Variants in KRT36 observed in about 807,000 individuals in gnomAD.
The protein encoded by KRT36 is keratin, type I cuticular Ha6.
A neutral mutation model predicts 43.0 loss-of-function variants in KRT36; 41 were observed. The ratio of observed to expected loss-of-function variants is 0.95; its 90% CI spans 0.74 to 1.24. The LOEUF (loss-of-function observed/expected upper bound fraction) is 1.24, where lower values mean the gene tolerates loss of function less well. Ranked by LOEUF, KRT36 falls within the 50% of genes most tolerant of loss-of-function variation. The pLI is 0.00. For missense variants in KRT36, 627 were observed against 595.3 expected (o/e 1.05, Z -0.55); for synonymous variants, 277 against 252.9 (o/e 1.10, Z -0.90).
Position 41,487,884 on chromosome 17 carries a change from T to C in KRT36, c.700-147A>G, listed in dbSNP as rs1490724697. ...TAAATATCTCTGAGCCTTGGTCTCC[T>C]TCTCCGTATATACCTACCTCCTTCT... On this transcript the variant is annotated intron_variant, in intron 3 of 6. Coordinates refer to ENST00000328119, the MANE Select transcript of KRT36 (RefSeq NM_003771.5). 5.1e-6 allele frequency: 4 copies of C among 777,000 alleles called. No homozygotes were observed. In the African/African-American group the frequency reaches 7.0e-5, roughly 14 times the overall value. 48.1% of individuals were successfully genotyped at this position (777,000 alleles called of 1,614,324 possible).
intron 6 of KRT36, 101 bp from the exon 7 acceptor site, chr17:41,486,672 G>T: frequency 1.1e-6 from 1 of 947,438 alleles, no homozygotes. Context: ...GGTGGCCCCG[G>T]ATCATCTCAG....
rs368167986 is a variant in KRT36 at position 41,487,320 on chromosome 17, G to A, written c.987+31C>T. On this transcript the variant is annotated intron_variant, in intron 5 of 6. Transcript: ENST00000328119. The stretch of plus-strand genomic sequence containing the variant: ...GTGCGTCGGGGACCTGCCACAGGCC[G>A]TGGCCAGCGACGCAGGCAGGGGCCA... 7.5e-6 allele frequency: 12 copies of A among 1,602,978 alleles called. No individual in the cohort carries two copies. The African/African-American group carries it at 8.0e-5, about 11-fold the overall frequency.
chr17:41,489,267 C>G (rs1904494057), intron 1 of KRT36, 139 bp downstream of exon 1: 5 of 918,802 alleles, frequency 5.4e-6, no homozygotes, highest in Non-Finnish European at 8.1e-6. Context: ...CCCAGGAAAC[C>G]AAAGCCCTAG....
intron 2 of KRT36, 87 bp downstream of exon 2, chr17:41,488,555 C>T: frequency 6.6e-7 from 1 of 1,524,996 alleles, no homozygotes; most frequent in Admixed American, 1.7e-5. Context: ...TCCCATCCAG[C>T]CTTATTCCCA....
intron 2 of KRT36, 121 bp downstream of exon 2, chr17:41,488,521 A>C: frequency 6.7e-7 from 1 of 1,496,854 alleles, no homozygotes; most frequent in South Asian, 1.2e-5. Context: ...CTTTCCCCTG[A>C]GGTCCAGGGC....
chr17:41,488,492 G>T (rs971691267), intron 2 of KRT36, 93 bp from the exon 3 acceptor site: 76 of 1,543,460 alleles, frequency 4.9e-5, no homozygotes, highest in Non-Finnish European at 6.5e-5. Flanking sequence ...TGGCTGACGG[G>T]ATCAGGAGCA....
In KRT36 at chr17:41,486,476, G is replaced by GAA. The variant is rs1567708765; in HGVS notation, c.1303_1304insTT (p.Pro435LeufsTer88). 6.2e-7 allele frequency: 1 copy of GAA among 1,613,842 alleles called. No individual in the cohort carries two copies. Among genetic ancestry groups the GAA allele is most frequent in the East Asian group, 2.2e-5 (1 of 44,862 alleles). ...GATCTGAGTGCCAACCTGGGGAGCC[G>GAA]GGGTGCAGGGCACAGAGGGGACACA... On this transcript the variant is annotated frameshift_variant, in exon 7 of 7. Coordinates refer to ENST00000328119, the MANE Select transcript of KRT36 (RefSeq NM_003771.5). LOFTEE classifies it high-confidence loss of function.
intron 1 of KRT36, among the ~76,000 whole-genome samples, chr17:41,489,069 G>A (rs1904488724): frequency 6.6e-6 from 1 of 152,214 alleles, no homozygotes; most frequent in South Asian, 2.1e-4. Context: ...TCTGTCAGAT[G>A]GGTCCAGTAA....
In KRT36 at chr17:41,487,437, G is replaced by A; in HGVS notation, c.901C>T (p.Gln301Ter). 1.2e-6 allele frequency: 2 copies of A among 1,614,176 alleles called. No homozygotes were observed. The highest frequency in any genetic ancestry group is 1.7e-6 in the Non-Finnish European group (2 of 1,180,024). The change falls in exon 5 of 7, where the codon CAG becomes TAG. Residue 301 changes from glutamine to a stop codon, truncating the protein, a stop_gained. Coordinates refer to ENST00000328119, the MANE Select transcript of KRT36 (RefSeq NM_003771.5). LOFTEE classifies it high-confidence loss of function. Reference protein sequence around the residue: ...LNQQVVSSSEQLQCCQTEIIE... With the variant: ...LNQQVVSSSE ...ATCTCCGTCTGGCAGCACTGCAGCT[G>A]CTCCGAGCTGGACACCACCTGCTGG...
intron 6 of KRT36, 133 bp downstream of exon 6, chr17:41,486,817 G>T (rs1212197189): frequency 4.8e-6 from 4 of 832,966 alleles, no homozygotes; most frequent in Non-Finnish European, 7.4e-6. Context: ...CCAAAGCCTG[G>T]GACTAAATGG....
Position 41,488,738 on chromosome 17 carries a change from G to A in KRT36, c.460-14C>T. 6.2e-7 allele frequency: 1 copy of A among 1,612,698 alleles called. No homozygotes were observed. Among genetic ancestry groups the A allele is most frequent in the African/African-American group, 1.3e-5 (1 of 75,002 alleles). The stretch of plus-strand genomic sequence containing the variant: ...AGTCAGCAGGATCTGGGGAACAAGA[G>A]GCTTCCCATAAGCTACAGGAGGCCC... On this transcript the variant is annotated splice_polypyrimidine_tract_variant and intron_variant, in intron 1 of 6. Coordinates refer to ENST00000328119, the MANE Select transcript of KRT36 (RefSeq NM_003771.5).
intron 1 of KRT36, 33 bp from the exon 2 acceptor site, chr17:41,488,757 G>A (rs746495836): frequency 6.3e-7 from 1 of 1,590,324 alleles, no homozygotes; most frequent in Non-Finnish European, 8.6e-7. Flanking sequence ...TAAGCTACAG[G>A]AGGCCCAGCA....
intron 6 of KRT36, 108 bp downstream of exon 6, chr17:41,486,842 C>T: frequency 9.9e-7 from 1 of 1,010,988 alleles, no homozygotes; most frequent in Admixed American, 2.4e-5. Context: ...TCTCAAGGGG[C>T]TTTGGTTTAG....
chr17:41,487,468 C>T lies in KRT36; in HGVS notation c.870G>A (p.Glu290=). ...AGCTGGACACCACCTGCTGGTTCAG[C>T]TCCTCAGTCTGAAACACATGCCAGG... The part of the protein sequence containing the change: ...VEAWFNTQTE[E]LNQQVVSSSE... Residue 290 remains glutamate (E), a synonymous_variant, in exon 5 of 7, where the codon GAG becomes GAA. Coordinates refer to ENST00000328119, the MANE Select transcript of KRT36 (RefSeq NM_003771.5). 1 of 1,614,142 alleles carries T rather than the reference C, an allele frequency of 6.2e-7. No homozygotes were observed. Among genetic ancestry groups the T allele is most frequent in the Non-Finnish European group, 8.5e-7 (1 of 1,179,982 alleles).
At position 41,486,989 on chromosome 17, in the gene KRT36, A is replaced by T; in HGVS notation, c.1169T>A (p.Ile390Asn). 1 of 1,613,728 alleles carries T rather than the reference A, an allele frequency of 6.2e-7. No individual in the cohort carries two copies. Among genetic ancestry groups the T allele is most frequent in the Non-Finnish European group, 8.5e-7 (1 of 1,179,980 alleles). ...LDVKARLEGE[I>N]ATYRHLLEGE... is the part of the protein sequence containing the mutation. ...CTCCAGCAGGTGGCGGTAGGTAGCG[A>T]TCTCGCCCTCCAGCCGGGCCTTGAC... Residue 390 changes from isoleucine to asparagine, a missense_variant, in exon 6 of 7, where the codon ATC becomes AAC. By Grantham distance (149) the Ile-to-Asn change is moderately radical. Coordinates refer to ENST00000328119, the MANE Select transcript of KRT36 (RefSeq NM_003771.5).
intron 3 of KRT36, 81 bp downstream of exon 3, chr17:41,488,162 C>T (rs1904457018): frequency 1.4e-6 from 2 of 1,381,530 alleles, no homozygotes; most frequent in Non-Finnish European, 2.0e-6. Context: ...ATAGTTCCTG[C>T]CGCACAGAAA....
In KRT36 at chr17:41,489,519, G is replaced by A. The variant is rs779679337; in HGVS notation, c.346C>T (p.Arg116Trp). The change falls in exon 1 of 7, where the codon CGG (arginine) becomes TGG (tryptophan). Residue 116 changes from arginine (R) to tryptophan (W), a missense_variant. Transcript: ENST00000328119. ...CGGCTCTCCAGCTCCGCGTTCTCCC[G>A]CTCCAGCTGACGCACCTTCTCCAGG... Reference protein sequence around the residue: ...NYLEKVRQLERENAELESRIQ... With the variant: ...NYLEKVRQLEWENAELESRIQ... 5.4e-5 allele frequency: 87 copies of A among 1,614,192 alleles called. No homozygotes were observed. The highest frequency in any genetic ancestry group is 2.0e-4 in the East Asian group (9 of 44,886).
In KRT36 at chr17:41,487,699, C is replaced by T; in HGVS notation, c.738G>A (p.Leu246=). ...GGGGAGCAGCGTCCACCTCCACATT[C>T]AGTCGGTCCCCAAGTTGGCAACGGA... is the stretch of plus-strand genomic sequence containing the variant. ...SVLRCQLGDR[L]NVEVDAAPPV... is the part of the protein sequence containing the mutation. The change falls in exon 4 of 7, where the codon CTG becomes CTA. Residue 246 remains leucine (L), a synonymous_variant. Transcript: ENST00000328119. The T allele has an allele frequency of 6.2e-7, 1 of 1,614,000 alleles. No homozygotes were observed.
At chr17:41,488,826 C>A in intron 1 of KRT36, 102 bp from the exon 2 acceptor site, 1 of 963,396 alleles carries the variant, frequency 1.0e-6, no homozygotes, top group African/African-American at 1.6e-5. Context: ...TGTGTACCAC[C>A]AGCCCCTTCA....
Sources: gnomAD v4.1 joint callset for allele counts (sites outside exome capture counted in the v4.1 genomes callset) on GRCh38, gnomAD v4.1.1 for gene constraint, MANE v1.5 for transcripts, NCBI Gene and HGNC (gene_info 2026-07-23, HGNC 2026-07-21) for gene names.